The following FAT3 variants were observed in gnomAD, a reference collection of about 807,000 sequenced individuals.
FAT3 encodes FAT atypical cadherin 3.
In FAT3, 95 loss-of-function variants were observed where a neutral mutation model predicts 310.2. The ratio of observed to expected loss-of-function variants is 0.31; its 90% CI spans 0.26 to 0.36. The LOEUF (loss-of-function observed/expected upper bound fraction) is 0.36. Ranked by LOEUF, FAT3 falls within the 10% of genes least tolerant of loss-of-function variation. The pLI, the probability that FAT3 is intolerant of heterozygous loss-of-function variation, is 1.00. For synonymous variants in FAT3, 2,314 were observed against 2,192.9 expected, an observed-to-expected ratio of 1.06 and a Z score of -1.54; for missense variants, 5,408 against 5,715.6, an observed-to-expected ratio of 0.95 and a Z score of 1.74.
At chr11:92,359,479 C>CT (rs904403837) in intron 2 of FAT3, among the ~76,000 whole-genome samples, 10 of 151,224 alleles carry the variant, frequency 6.6e-5, no homozygotes, top group East Asian at 3.9e-4. Context: ...TCTTGACTTT[C>CT]TTTTTTTTTA....
chr11:92,520,239 C>A (rs1953637656), intron 2 of FAT3, among the ~76,000 whole-genome samples: 1 of 152,024 alleles, frequency 6.6e-6, no homozygotes, highest in African/African-American at 2.4e-5. Context: ...AACAGAAAAA[C>A]AGTACAGACT....
chr11:92,335,199 C>T (rs908826214), intron 1 of FAT3, among the ~76,000 whole-genome samples: 1 of 142,868 alleles, frequency 7.0e-6, no homozygotes, highest in African/African-American at 2.9e-5. Context: ...GAAACCTAAA[C>T]ACTTGTTTTT....
intron 4 of FAT3, among the ~76,000 whole-genome samples, chr11:92,705,212 T>G (rs1944233730): frequency 6.6e-6 from 1 of 152,184 alleles, no homozygotes; most frequent in Non-Finnish European, 1.5e-5. Context: ...CATGTCATTC[T>G]TAAATAATCC....
intron 2 of FAT3, among the ~76,000 whole-genome samples, chr11:92,371,115 G>A (rs1949174325): frequency 6.6e-6 from 1 of 152,178 alleles, no homozygotes; most frequent in African/African-American, 2.4e-5. Flanking sequence ...TTACAGCAGT[G>A]GGAAATAACC....
chr11:92,521,845 T>C (rs2135350966), intron 2 of FAT3, among the ~76,000 whole-genome samples: 1 of 152,268 alleles, frequency 6.6e-6, no homozygotes, highest in South Asian at 2.1e-4. Context: ...TTCCCCTGCC[T>C]CCCATCCCCT....
chr11:92,547,538 C>A (rs957034699), intron 3 of FAT3, among the ~76,000 whole-genome samples: 3 of 151,938 alleles, frequency 2.0e-5, no homozygotes, highest in African/African-American at 7.3e-5. Flanking sequence ...CCTGAAAGAC[C>A]AGGTTTGAAA....
chr11:92,448,119 A>G (rs1166027060), intron 2 of FAT3, among the ~76,000 whole-genome samples: 1 of 152,142 alleles, frequency 6.6e-6, no homozygotes, highest in African/African-American at 2.4e-5. Context: ...CTTAATGTAA[A>G]CTGTGATTAA....
intron 1 of FAT3, among the ~76,000 whole-genome samples, chr11:92,270,280 C>G (rs1055602277): frequency 9.2e-5 from 14 of 152,066 alleles, no homozygotes; most frequent in African/African-American, 3.4e-4. Flanking sequence ...TCCTACCACC[C>G]TCTAAATATT....
chr11:92,686,931 G>A (rs1475702593), intron 3 of FAT3, among the ~76,000 whole-genome samples: 1 of 152,142 alleles, frequency 6.6e-6, no homozygotes, highest in Non-Finnish European at 1.5e-5. Flanking sequence ...TGCAGTGGCT[G>A]TTTTCACACC....
At chr11:92,606,442 C>A (rs912748622) in intron 3 of FAT3, among the ~76,000 whole-genome samples, 1 of 152,174 alleles carries the variant, frequency 6.6e-6, no homozygotes, top group African/African-American at 2.4e-5. Context: ...AGTACCTGGG[C>A]TTTGCCTGCA....
rs540634658 is a variant in FAT3 at position 92,778,251 on chromosome 11, A to G, written c.4335+4071A>G. Among the ~76,000 whole-genome samples the G allele has an allele frequency of 1.1e-3, 166 of 152,198 alleles. 1 individual carries two copies. The highest frequency in any genetic ancestry group is 1.6e-3 in the Non-Finnish European group (112 of 68,012). ...TCTTTGATAGTCTTCTCTTTGCCTA[A>G]AACCAACTGGCATTTTTTAGTGCTT... On this transcript the variant is annotated intron_variant, in intron 7 of 27. Transcript: ENST00000525166.
intron 7 of FAT3, among the ~76,000 whole-genome samples, chr11:92,784,708 C>A (rs1454020187): frequency 6.6e-6 from 1 of 152,092 alleles, no homozygotes; most frequent in Non-Finnish European, 1.5e-5. Context: ...TCACAAATGG[C>A]CCCGACTGTG....
chr11:92,492,605 GT>G (rs1223525318), intron 2 of FAT3, among the ~76,000 whole-genome samples: 1 of 151,940 alleles, frequency 6.6e-6, no homozygotes, highest in Non-Finnish European at 1.5e-5. Flanking sequence ...AGATAGGAAG[GT>G]TGATAAATCC....
intron 22 of FAT3, among the ~76,000 whole-genome samples, chr11:92,867,520 G>A (rs573191869): frequency 2.6e-5 from 4 of 152,266 alleles, no homozygotes; most frequent in Admixed American, 6.5e-5. Flanking sequence ...GAGGTTGGGC[G>A]AATGGAACCC....
At chr11:92,686,396 G>T (rs1431173840) in intron 3 of FAT3, among the ~76,000 whole-genome samples, 1 of 152,166 alleles carries the variant, frequency 6.6e-6, no homozygotes, top group East Asian at 1.9e-4. Context: ...TAAAATTGAA[G>T]TGCTCTGCAA....
At chr11:92,779,250 C>T (rs1014850114) in intron 7 of FAT3, among the ~76,000 whole-genome samples, 3 of 152,058 alleles carry the variant, frequency 2.0e-5, no homozygotes, top group Non-Finnish European at 4.4e-5. Flanking sequence ...AGTAGCACTA[C>T]GAAGCCATTT....
intron 3 of FAT3, among the ~76,000 whole-genome samples, chr11:92,669,197 A>G (rs1236370590): frequency 2.0e-5 from 3 of 152,168 alleles, no homozygotes; most frequent in Non-Finnish European, 4.4e-5. Flanking sequence ...ACCTCAAGTA[A>G]TATGTTCTTT....
intron 2 of FAT3, among the ~76,000 whole-genome samples, chr11:92,429,080 T>C (rs1015880275): frequency 6.6e-6 from 1 of 152,218 alleles, no homozygotes; most frequent in Admixed American, 6.5e-5. Flanking sequence ...GATGCGTATA[T>C]ATTTAGGATA....
intron 7 of FAT3, among the ~76,000 whole-genome samples, chr11:92,780,264 C>T (rs533705754): frequency 4.0e-5 from 6 of 149,324 alleles, no homozygotes; most frequent in Non-Finnish European, 8.9e-5. Context: ...TGGGCTCAAA[C>T]AATCCTCCCA....
Sources: gnomAD v4.1 joint callset for allele counts (sites outside exome capture counted in the v4.1 genomes callset) on GRCh38, gnomAD v4.1.1 for gene constraint, MANE v1.5 for transcripts, NCBI Gene and HGNC (gene_info 2026-07-23, HGNC 2026-07-21) for gene names.